Variants in PPP1R9A observed in about 807,000 individuals in gnomAD.
PPP1R9A encodes neurabin-1.
A neutral mutation model predicts 141.9 loss-of-function variants in PPP1R9A; 59 were observed. The ratio of observed to expected loss-of-function variants is 0.42; its 90% CI spans 0.34 to 0.52. PPP1R9A has a LOEUF of 0.52. PPP1R9A is among the 20% of genes least tolerant of loss of function. The pLI, the probability that PPP1R9A is intolerant of heterozygous loss-of-function variation, is 0.10. For missense variants in PPP1R9A, 1,444 were observed against 1,611.9 expected, an observed-to-expected ratio of 0.90 and a Z score of 1.78; for synonymous variants, 500 against 569.7, an observed-to-expected ratio of 0.88 and a Z score of 1.74.
chr7:95,269,813 A>C (rs1801880412), intron 14 of PPP1R9A, among the ~76,000 whole-genome samples: 1 of 152,220 alleles, frequency 6.6e-6, no homozygotes, highest in Admixed American at 6.5e-5. Context: ...ATAAAGAAAA[A>C]AACACTACAT....
At chr7:95,048,482 TTAA>T (rs1340710960) in intron 2 of PPP1R9A, among the ~76,000 whole-genome samples, 1 of 152,056 alleles carries the variant, frequency 6.6e-6, no homozygotes, top group Non-Finnish European at 1.5e-5. Context: ...TCTGGAGAAA[TTAA>T]CGTATATACT....
intron 2 of PPP1R9A, among the ~76,000 whole-genome samples, chr7:94,926,172 T>C (rs1215467847): frequency 1.3e-5 from 2 of 152,160 alleles, no homozygotes; most frequent in African/African-American, 4.8e-5. Flanking sequence ...ATAGGTAAAA[T>C]CCTTCAGGTT....
At chr7:95,213,385 A>G (rs528705223) in intron 7 of PPP1R9A, among the ~76,000 whole-genome samples, 49 of 142,362 alleles carry the variant, frequency 3.4e-4, no homozygotes, top group African/African-American at 1.2e-3. Flanking sequence ...CATTGATGCA[A>G]TCTTGGCTGA....
At chr7:95,079,121 C>G (rs1264787496) in intron 2 of PPP1R9A, among the ~76,000 whole-genome samples, 1 of 152,166 alleles carries the variant, frequency 6.6e-6, no homozygotes, top group African/African-American at 2.4e-5. Flanking sequence ...TTAGGTCTAA[C>G]GTTTAAGTCT....
chr7:94,978,744 G>C (rs575192488), intron 2 of PPP1R9A, among the ~76,000 whole-genome samples: 1 of 152,200 alleles, frequency 6.6e-6, no homozygotes, highest in South Asian at 2.1e-4. Flanking sequence ...TTATTTTCCA[G>C]AATCCATTTA....
Position 95,241,970 on chromosome 7 carries a change from G to A in PPP1R9A, c.2113-5503G>A, listed in dbSNP as rs139428982. Among the ~76,000 whole-genome samples the A allele has an allele frequency of 7.3e-3, 1,107 of 152,224 alleles. 8 individuals are homozygous for A. The highest frequency in any genetic ancestry group is 0.012 in the Non-Finnish European group (836 of 67,984). ...CTACTTAGGGAGTGACCTTGTTAGA[G>A]AATCTCACCCAATGCTACATATGCT... is the stretch of plus-strand genomic sequence containing the variant. On this transcript the variant is annotated intron_variant, in intron 8 of 19. Transcript: ENST00000433360.
Position 95,181,146 on chromosome 7 carries a change from C to T in PPP1R9A, c.1755-17203C>T, listed in dbSNP as rs116707719. Among the ~76,000 whole-genome samples, 459 of 143,760 alleles carry T rather than the reference C, an allele frequency of 3.2e-3. 2 individuals carry two copies. The highest frequency in any genetic ancestry group is 0.011 in the African/African-American group (424 of 38,890). The allele number at this position is 143,760 out of a possible 152,430, so 94.3% of individuals were successfully genotyped here. The stretch of plus-strand genomic sequence containing the variant: ...CGCAAATGCCCATCAATCAAAGAGT[C>T]GATATAGAAACTGTGATATATATAT... On this transcript the variant is annotated intron_variant, in intron 5 of 19. Coordinates refer to ENST00000433360, the MANE Select transcript of PPP1R9A (RefSeq NM_001166160.2).
chr7:95,243,205 T>C (rs1489503133), intron 8 of PPP1R9A, among the ~76,000 whole-genome samples: 1 of 152,130 alleles, frequency 6.6e-6, no homozygotes, highest in East Asian at 1.9e-4. Context: ...CTGATCTGGC[T>C]ATAGGAACAA....
chr7:95,104,343 G>C (rs985932144), intron 2 of PPP1R9A, among the ~76,000 whole-genome samples: 5 of 152,096 alleles, frequency 3.3e-5, no homozygotes, highest in African/African-American at 1.2e-4. Flanking sequence ...CTTTCACACA[G>C]GCTACTTTTC....
chr7:95,118,402 T>G (rs1293975367), intron 3 of PPP1R9A, among the ~76,000 whole-genome samples: 1 of 152,122 alleles, frequency 6.6e-6, no homozygotes, highest in Non-Finnish European at 1.5e-5. Context: ...TTAGTCAGCA[T>G]TAAAGTTTTC....
At chr7:95,229,669 G>T (rs1330754377) in intron 8 of PPP1R9A, among the ~76,000 whole-genome samples, 1 of 152,076 alleles carries the variant, frequency 6.6e-6, no homozygotes, top group Non-Finnish European at 1.5e-5. Flanking sequence ...CCAACCTGGT[G>T]GTCTTACTCT....
intron 12 of PPP1R9A, among the ~76,000 whole-genome samples, chr7:95,255,581 A>T (rs1799466579): frequency 6.6e-6 from 1 of 152,184 alleles, no homozygotes; most frequent in African/African-American, 2.4e-5. Flanking sequence ...CTAGGCAGAA[A>T]GAAAGTACTA....
intron 2 of PPP1R9A, among the ~76,000 whole-genome samples, chr7:95,051,242 G>A (rs1810755068): frequency 1.3e-5 from 2 of 151,412 alleles, no homozygotes; most frequent in African/African-American, 2.4e-5. Context: ...TGAAAAGACT[G>A]TCTTTTCTCC....
At chr7:95,137,319 G>C (rs934562701) in intron 4 of PPP1R9A, among the ~76,000 whole-genome samples, 1 of 137,718 alleles carries the variant, frequency 7.3e-6, no homozygotes, top group Non-Finnish European at 1.5e-5. Flanking sequence ...CCACCTATGA[G>C]TAAGAACATG....
At chr7:94,980,523 C>T (rs1799975499) in intron 2 of PPP1R9A, among the ~76,000 whole-genome samples, 1 of 151,930 alleles carries the variant, frequency 6.6e-6, no homozygotes, top group African/African-American at 2.4e-5. Flanking sequence ...GGTGACGCAA[C>T]CTCCTGGGCT....
At chr7:95,102,524 G>A (rs921008999) in intron 2 of PPP1R9A, among the ~76,000 whole-genome samples, 2 of 152,208 alleles carry the variant, frequency 1.3e-5, no homozygotes, top group African/African-American at 4.8e-5. Context: ...CAGTGAGTTG[G>A]CCAAGCCCAC....
intron 2 of PPP1R9A, among the ~76,000 whole-genome samples, chr7:95,019,308 A>G (rs1249459643): frequency 6.6e-6 from 1 of 152,152 alleles, no homozygotes; most frequent in Admixed American, 6.5e-5. Context: ...AATTGAACCC[A>G]TGAGGTGGAG....
Position 95,010,669 on chromosome 7 carries a change from C to T in PPP1R9A, c.1395+99161C>T, listed in dbSNP as rs182024628. Among the ~76,000 whole-genome samples, 3 of 152,152 alleles carry T rather than the reference C, an allele frequency of 2.0e-5. No homozygotes were observed. The East Asian group carries it at 5.8e-4, about 29-fold the overall frequency. ...GTAGTCCCTTATGTGGTTAGTAGGC[C>T]TTCAGGCAGTTTTTTTCCTTTTTGC... On this transcript the variant is annotated intron_variant, in intron 2 of 19. Coordinates refer to ENST00000433360, the MANE Select transcript of PPP1R9A (RefSeq NM_001166160.2).
rs369187919 is a variant in PPP1R9A, at chr7:95,287,853, A to G, written c.3730-683A>G. On this transcript the variant is annotated intron_variant, in intron 18 of 19. Coordinates refer to ENST00000433360, the MANE Select transcript of PPP1R9A (RefSeq NM_001166160.2). ...GGCATGCGCCACCACCACACTGGCTAATTTTTGTATTTTTAGTAGAGAGGG... is the reference window on the plus strand; with the variant it reads ...GGCATGCGCCACCACCACACTGGCTGATTTTTGTATTTTTAGTAGAGAGGG... 4.5e-4 allele frequency among the ~76,000 whole-genome samples: 69 copies of G among 152,174 alleles called. No individual in the cohort carries two copies. The South Asian group carries it at 5.0e-3, about 11-fold the overall frequency.
Sources: allele counts gnomAD v4.1 joint callset (sites outside exome capture counted in the v4.1 genomes callset), GRCh38; gene constraint gnomAD v4.1.1; transcripts MANE v1.5; gene names NCBI Gene and HGNC (gene_info 2026-07-23, HGNC 2026-07-21).